MECOM: variants seen among roughly 807,000 people sequenced by gnomAD.
The protein encoded by MECOM is MDS1 and EVI1 complex locus, also known as histone-lysine N-methyltransferase MECOM.
A neutral mutation model predicts 116.3 loss-of-function variants in MECOM; 13 were observed. The observed-to-expected ratio is 0.11, with a 90% CI of 0.07 to 0.18. The LOEUF is 0.18. Ranked by LOEUF, MECOM falls within the 10% of genes least tolerant of loss-of-function variation. The probability of loss-of-function intolerance (pLI) is 1.00; values close to 1 mark genes in which losing one functional copy is unlikely to be tolerated. For synonymous variants in MECOM, 528 were observed against 535.2 expected, an observed-to-expected ratio of 0.99 and a Z score of 0.19; for missense variants, 1,299 against 1,509.0, an observed-to-expected ratio of 0.86 and a Z score of 2.31.
intron 1 of MECOM, among the ~76,000 whole-genome samples, chr3:169,656,511 G>A (rs567372644): frequency 9.2e-5 from 14 of 152,112 alleles, no homozygotes; most frequent in Middle Eastern, 3.4e-3. Context: ...TTTCCATAAT[G>A]AAACAGTTCT....
chr3:169,450,363 G>A (rs1363897585), intron 1 of MECOM, among the ~76,000 whole-genome samples: 1 of 152,020 alleles, frequency 6.6e-6, no homozygotes, highest in Non-Finnish European at 1.5e-5. Flanking sequence ...ACTCCAAGGT[G>A]CTAATTAAAA....
At chr3:169,297,131 T>C (rs913848033) in intron 2 of MECOM, among the ~76,000 whole-genome samples, 2 of 152,218 alleles carry the variant, frequency 1.3e-5, no homozygotes, top group Non-Finnish European at 2.9e-5. Flanking sequence ...CTTATTTAAA[T>C]TCTTCAGAAA....
At chr3:169,250,764 A>T (rs1179937898) in intron 2 of MECOM, among the ~76,000 whole-genome samples, 1 of 152,224 alleles carries the variant, frequency 6.6e-6, no homozygotes, top group Non-Finnish European at 1.5e-5. Flanking sequence ...ACAAAAAAGC[A>T]GTATGAATTC....
chr3:169,465,347 ATTG>A (rs1158037958), intron 1 of MECOM, among the ~76,000 whole-genome samples: 4 of 152,162 alleles, frequency 2.6e-5, no homozygotes, highest in African/African-American at 9.6e-5. Context: ...TTGTTATTTA[ATTG>A]TTATTTCATA....
chr3:169,252,462 A>G (rs1328016005), intron 2 of MECOM, among the ~76,000 whole-genome samples: 2 of 151,424 alleles, frequency 1.3e-5, no homozygotes, highest in African/African-American at 4.8e-5. Context: ...CTATGATAAT[A>G]TAGTAAAATA....
intron 2 of MECOM, among the ~76,000 whole-genome samples, chr3:169,200,582 T>G (rs1229182706): frequency 6.6e-6 from 1 of 152,034 alleles, no homozygotes; most frequent in Middle Eastern, 3.2e-3. Flanking sequence ...GCAGACATAA[T>G]GCCGAGCAAC....
rs560241332 is a variant in MECOM at position 169,200,518 on chromosome 3, A to G, written c.376-56686T>C. Among the ~76,000 whole-genome samples the G allele has an allele frequency of 2.0e-5, 3 of 152,204 alleles. No individual in the cohort carries two copies. The East Asian group carries it at 5.8e-4, about 29-fold the overall frequency. ...GAAAACCATGGGAAACTTGTCATTT[A>G]GCAGAGTTCTAATGAGTAAAGTGGA... is the stretch of plus-strand genomic sequence containing the variant. On this transcript the variant is annotated intron_variant, in intron 2 of 16. Transcript: ENST00000651503.
intron 1 of MECOM, among the ~76,000 whole-genome samples, chr3:169,461,199 C>T (rs1747381014): frequency 2.0e-5 from 3 of 152,108 alleles, no homozygotes; most frequent in African/African-American, 4.8e-5. Flanking sequence ...CTCTTATTTT[C>T]GTACTTCATC....
At chr3:169,615,217 C>T (rs983615461) in intron 1 of MECOM, among the ~76,000 whole-genome samples, 6 of 152,136 alleles carry the variant, frequency 3.9e-5, no homozygotes, top group Non-Finnish European at 8.8e-5. Context: ...CACCTTGTAC[C>T]CACCACGTTC....
intron 1 of MECOM, among the ~76,000 whole-genome samples, chr3:169,662,752 A>G (rs1776472499): frequency 6.6e-6 from 1 of 151,802 alleles, no homozygotes; most frequent in African/African-American, 2.4e-5. Flanking sequence ...CCGCCTCGCA[A>G]CTTTTCCCAA....
intron 2 of MECOM, among the ~76,000 whole-genome samples, chr3:169,284,042 T>A (rs925807262): frequency 3.3e-5 from 5 of 152,186 alleles, no homozygotes; most frequent in African/African-American, 1.2e-4. Flanking sequence ...GTAAAGAGTG[T>A]CCCATTCGAA....
chr3:169,663,257 C>G (rs1490815987), intron 1 of MECOM, 79 bp downstream of exon 1: 2 of 1,525,076 alleles, frequency 1.3e-6, no homozygotes, highest in South Asian at 2.4e-5. Flanking sequence ...GCCCGCGCTC[C>G]CTCCCGGAGC....
At chr3:169,297,042 T>A (rs1010361392) in intron 2 of MECOM, among the ~76,000 whole-genome samples, 6 of 152,200 alleles carry the variant, frequency 3.9e-5, no homozygotes, top group African/African-American at 1.4e-4. Context: ...TTTCAACAAT[T>A]TGGAGCAATA....
At chr3:169,384,928 C>T (rs1210869707) in intron 1 of MECOM, among the ~76,000 whole-genome samples, 2 of 151,894 alleles carry the variant, frequency 1.3e-5, no homozygotes, top group Non-Finnish European at 2.9e-5. Context: ...CATGACGAAA[C>T]CCCATCTCTA....
At chr3:169,368,140 G>C (rs1729493768) in intron 2 of MECOM, among the ~76,000 whole-genome samples, 1 of 151,938 alleles carries the variant, frequency 6.6e-6, no homozygotes, top group African/African-American at 2.4e-5. Context: ...TGCCCTTTGT[G>C]ATTTTTTAGC....
chr3:169,444,465 G>GTT (rs1298317309), intron 1 of MECOM, among the ~76,000 whole-genome samples: 2 of 152,090 alleles, frequency 1.3e-5, no homozygotes, highest in African/African-American at 4.8e-5. Context: ...GATCTGATGG[G>GTT]TTTATCAGGG....
intron 1 of MECOM, among the ~76,000 whole-genome samples, chr3:169,467,453 G>A (rs1410400830): frequency 6.6e-6 from 1 of 152,214 alleles, no homozygotes; most frequent in Non-Finnish European, 1.5e-5. Context: ...TTAAGTTCAC[G>A]GGCCAAGGCA....
In MECOM at chr3:169,115,723, A is replaced by G. The variant is rs1399266790; in HGVS notation, c.2149T>C (p.Ser717Pro). The G allele has an allele frequency of 6.2e-7, 1 of 1,614,174 alleles. No individual in the cohort carries two copies. Among genetic ancestry groups the G allele is most frequent in the South Asian group, 1.1e-5 (1 of 91,088 alleles). ...TGGGGTTCCATTTTCAAAGGTAACGATCTCAAGTCTCTATCAGGAAATGGG... is the reference window on the plus strand; with the variant it reads ...TGGGGTTCCATTTTCAAAGGTAACGGTCTCAAGTCTCTATCAGGAAATGGG... Reference protein sequence around the residue: ...MYPFPDRDLRSLPLKMEPQSP... With the variant: ...MYPFPDRDLRPLPLKMEPQSP... The change falls in exon 8 of 17, where the codon TCG becomes CCG. Residue 717 changes from serine (S) to proline (P), a missense_variant. Transcript: ENST00000651503.
intron 2 of MECOM, among the ~76,000 whole-genome samples, chr3:169,164,193 G>A (rs1743233285): frequency 6.6e-6 from 1 of 152,080 alleles, no homozygotes; most frequent in Non-Finnish European, 1.5e-5. Context: ...GGAGATGATT[G>A]AATTATGAGG....
Sources: allele counts gnomAD v4.1 joint callset (sites outside exome capture counted in the v4.1 genomes callset), GRCh38; gene constraint gnomAD v4.1.1; transcripts MANE v1.5; gene names NCBI Gene and HGNC (gene_info 2026-07-23, HGNC 2026-07-21).